The following EHBP1 variants were observed in gnomAD, a reference collection of about 807,000 sequenced individuals.
EHBP1 encodes the protein EH domain binding protein 1, also known as EH domain-binding protein 1.
In EHBP1, 55 loss-of-function variants were observed where a neutral mutation model predicts 144.0. The ratio of observed to expected loss-of-function variants is 0.38; its 90% CI spans 0.31 to 0.48. The LOEUF (loss-of-function observed/expected upper bound fraction) is 0.48, where lower values mean the gene tolerates loss of function less well. Among genes scored for constraint, EHBP1 ranks in the 20% least tolerant of loss-of-function variants. The pLI, the probability that EHBP1 is intolerant of heterozygous loss-of-function variation, is 0.98. For synonymous variants in EHBP1, 469 were observed against 472.7 expected (o/e 0.99, Z 0.10); for missense variants, 1,200 against 1,364.2 (o/e 0.88, Z 1.90).
chr2:62,830,645 G>A (rs912711284), intron 6 of EHBP1, among the ~76,000 whole-genome samples: 6 of 152,084 alleles, frequency 3.9e-5, no homozygotes, highest in African/African-American at 1.4e-4. Context: ...AAGCTTTTTA[G>A]TTTAATAAGG....
intron 2 of EHBP1, among the ~76,000 whole-genome samples, chr2:62,744,018 G>A (rs1415203163): frequency 6.6e-6 from 1 of 152,036 alleles, no homozygotes; most frequent in African/African-American, 2.4e-5. Flanking sequence ...AGGATAGAAG[G>A]TGTTAAATCT....
intron 21 of EHBP1, among the ~76,000 whole-genome samples, chr2:63,041,732 T>C (rs1001760230): frequency 6.6e-6 from 1 of 152,148 alleles, no homozygotes; most frequent in African/African-American, 2.4e-5. Context: ...TGCAAACTCT[T>C]TCAGGATTGC....
intron 3 of EHBP1, among the ~76,000 whole-genome samples, chr2:62,757,434 T>TC (rs1230592659): frequency 6.9e-6 from 1 of 145,200 alleles, no homozygotes; most frequent in African/African-American, 2.6e-5. Context: ...TTCTTTTTTT[T>TC]TTTTTTTTTT....
intron 15 of EHBP1, among the ~76,000 whole-genome samples, chr2:62,985,169 G>A (rs1002007938): frequency 6.6e-6 from 1 of 152,018 alleles, no homozygotes; most frequent in Non-Finnish European, 1.5e-5. Flanking sequence ...TCTCCAACCT[G>A]CATTTATTGA....
chr2:63,038,730 G>C lies in EHBP1; in HGVS notation c.3204-13G>C. 1 of 1,611,072 alleles carries C rather than the reference G, an allele frequency of 6.2e-7. No homozygotes were observed. Among genetic ancestry groups the C allele is most frequent in the Non-Finnish European group, 8.5e-7 (1 of 1,177,898 alleles). On this transcript the variant is annotated splice_polypyrimidine_tract_variant and intron_variant, in intron 20 of 22. Coordinates refer to ENST00000431489, the MANE Select transcript of EHBP1 (RefSeq NM_001142616.3). ...GTAATTAGCATATTGATGAACTTTT[G>C]CAACTTGCCCAGGGAAAAAGAACAT...
chr2:62,901,488 A>C (rs2053409298), intron 10 of EHBP1, among the ~76,000 whole-genome samples: 2 of 152,214 alleles, frequency 1.3e-5, no homozygotes, highest in South Asian at 2.1e-4. Flanking sequence ...TGAATACGAT[A>C]ATTTAGCTTC....
intron 10 of EHBP1, among the ~76,000 whole-genome samples, chr2:62,910,072 G>A (rs548856147): frequency 2.6e-5 from 4 of 152,044 alleles, no homozygotes; most frequent in Admixed American, 6.6e-5. Flanking sequence ...GTTTTTAATC[G>A]AAGTTCAATC....
chr2:62,776,071 T>G (rs980175062), intron 5 of EHBP1, among the ~76,000 whole-genome samples: 10 of 152,248 alleles, frequency 6.6e-5, no homozygotes, highest in Non-Finnish European at 1.3e-4. Flanking sequence ...TTTGGGTTAA[T>G]TATTTCACTA....
chr2:62,949,517 G>GA (rs2057266490), intron 13 of EHBP1, among the ~76,000 whole-genome samples: 1 of 151,710 alleles, frequency 6.6e-6, no homozygotes, highest in Non-Finnish European at 1.5e-5. Flanking sequence ...AAGGCTATGA[G>GA]AAAAAAATTG....
chr2:62,801,953 A>G (rs768162929), intron 5 of EHBP1, among the ~76,000 whole-genome samples: 2 of 152,174 alleles, frequency 1.3e-5, no homozygotes, highest in Non-Finnish European at 2.9e-5. Context: ...GAAATCTAGG[A>G]CTCTGCCTTT....
intron 7 of EHBP1, among the ~76,000 whole-genome samples, chr2:62,838,669 A>G (rs1260630810): frequency 2.6e-5 from 4 of 151,544 alleles, no homozygotes; most frequent in Non-Finnish European, 5.9e-5. Flanking sequence ...ATCACCACCG[A>G]TCCCACAGAA....
chr2:62,882,559 C>A (rs942562145), intron 10 of EHBP1, among the ~76,000 whole-genome samples: 21 of 152,142 alleles, frequency 1.4e-4, no homozygotes, highest in Admixed American at 4.6e-4. Flanking sequence ...GAGTTTGGAG[C>A]TAATTAAGAA....
chr2:62,942,362 T>C (rs2056808042), intron 10 of EHBP1, among the ~76,000 whole-genome samples: 1 of 152,332 alleles, frequency 6.6e-6, no homozygotes, highest in Non-Finnish European at 1.5e-5. Flanking sequence ...ACCGTATTTG[T>C]ACATGATTGC....
At chr2:62,675,336 C>A (rs1019692979) in intron 1 of EHBP1, among the ~76,000 whole-genome samples, 2 of 152,130 alleles carry the variant, frequency 1.3e-5, no homozygotes, top group African/African-American at 4.8e-5. Flanking sequence ...AATTCATCTG[C>A]CTCTACAGAA....
intron 19 of EHBP1, among the ~76,000 whole-genome samples, chr2:63,017,584 C>G (rs1243867102): frequency 2.0e-5 from 3 of 152,042 alleles, no homozygotes; most frequent in Non-Finnish European, 4.4e-5. Flanking sequence ...ACTTGGAGCT[C>G]CATAAATGTT....
chr2:63,012,625 T>G (rs1048442361), intron 19 of EHBP1, among the ~76,000 whole-genome samples: 1 of 152,172 alleles, frequency 6.6e-6, no homozygotes, highest in Non-Finnish European at 1.5e-5. Flanking sequence ...CTCGTAAAAT[T>G]TTGGCCCTCA....
At chr2:62,958,411 A>G (rs888182337) in intron 14 of EHBP1, among the ~76,000 whole-genome samples, 5 of 152,210 alleles carry the variant, frequency 3.3e-5, no homozygotes, top group South Asian at 4.1e-4. Flanking sequence ...TGAGATGCAC[A>G]ATAATGTAAA....
chr2:62,932,918 C>T (rs530678452), intron 10 of EHBP1, among the ~76,000 whole-genome samples: 4 of 146,658 alleles, frequency 2.7e-5, no homozygotes, highest in Non-Finnish European at 4.5e-5. Context: ...TGCCACTGCA[C>T]TCCAACCTGG....
chr2:63,010,919 C>A (rs1293842223), intron 19 of EHBP1, among the ~76,000 whole-genome samples: 1 of 151,540 alleles, frequency 6.6e-6, no homozygotes, highest in Non-Finnish European at 1.5e-5. Flanking sequence ...AATTCTAGAA[C>A]ATTTCTTTGT....
Sources: gnomAD v4.1 joint callset for allele counts (sites outside exome capture counted in the v4.1 genomes callset) on GRCh38, gnomAD v4.1.1 for gene constraint, MANE v1.5 for transcripts, NCBI Gene and HGNC (gene_info 2026-07-23, HGNC 2026-07-21) for gene names.